The following CTNNA2 variants were observed in gnomAD, a reference collection of about 807,000 sequenced individuals.
The protein encoded by CTNNA2 is catenin alpha-2.
Under a neutral mutation model 101.0 loss-of-function variants are expected in CTNNA2, and 42 were observed. That is an observed-to-expected ratio of 0.42 (90% confidence interval 0.32 to 0.54). The LOEUF (loss-of-function observed/expected upper bound fraction) is 0.54. Ranked by LOEUF, CTNNA2 falls within the 20% of genes least tolerant of loss-of-function variation. CTNNA2 has a pLI of 0.14. For missense variants in CTNNA2, 871 were observed against 1,223.1 expected, an observed-to-expected ratio of 0.71 and a Z score of 4.29; for synonymous variants, 450 against 456.4, an observed-to-expected ratio of 0.99 and a Z score of 0.18.
chr2:80,113,077 A>T (rs2148864381), intron 7 of CTNNA2, among the ~76,000 whole-genome samples: 1 of 152,250 alleles, frequency 6.6e-6, no homozygotes, highest in African/African-American at 2.4e-5. Flanking sequence ...GAGATCTGGG[A>T]GCCTCTTCAG....
At position 79,885,864 on chromosome 2, in the gene CTNNA2, G is replaced by C. The variant is rs984091442; in HGVS notation, c.852+11522G>C. Among the ~76,000 whole-genome samples, 2 of 152,290 alleles carry C rather than the reference G, an allele frequency of 1.3e-5. 1 individual carries two copies. The highest frequency in any genetic ancestry group is 3.9e-4 in the East Asian group (2 of 5,182). ...GTCCAGGACTTGGATTCAGGTATTG[G>C]CTACTACTCCAAGCTCTACAAATAA... On this transcript the variant is annotated intron_variant, in intron 6 of 18. Coordinates refer to ENST00000402739, the MANE Select transcript of CTNNA2 (RefSeq NM_001282597.3).
intron 3 of CTNNA2, among the ~76,000 whole-genome samples, chr2:79,759,010 A>C (rs1031533444): frequency 1.3e-5 from 2 of 152,200 alleles, no homozygotes; most frequent in Non-Finnish European, 2.9e-5. Flanking sequence ...AGATCTTACA[A>C]TAAATTATGG....
At chr2:79,878,786 C>G (rs1683209326) in intron 6 of CTNNA2, among the ~76,000 whole-genome samples, 1 of 152,122 alleles carries the variant, frequency 6.6e-6, no homozygotes, top group Non-Finnish European at 1.5e-5. Context: ...CCTGTTCACT[C>G]TGATGATTCT....
chr2:80,423,004 T>C (rs1391207034), intron 9 of CTNNA2, among the ~76,000 whole-genome samples: 1 of 152,166 alleles, frequency 6.6e-6, no homozygotes, highest in South Asian at 2.1e-4. Context: ...CATAATACAT[T>C]TGTATTTTTT....
chr2:80,399,940 A>G (rs144161673), intron 8 of CTNNA2, among the ~76,000 whole-genome samples: 6 of 152,292 alleles, frequency 3.9e-5, no homozygotes, highest in East Asian at 3.9e-4. Context: ...CATTCATTTT[A>G]CTACACCCAT....
chr2:79,736,121 G>C (rs1670858589), intron 2 of CTNNA2, among the ~76,000 whole-genome samples: 1 of 152,136 alleles, frequency 6.6e-6, no homozygotes. Context: ...GCTGAAATAA[G>C]TCTGTATTGT....
At chr2:80,026,955 C>T (rs1694967695) in intron 7 of CTNNA2, among the ~76,000 whole-genome samples, 1 of 152,160 alleles carries the variant, frequency 6.6e-6, no homozygotes, top group Non-Finnish European at 1.5e-5. Context: ...TAGATTTCAT[C>T]CCTACTCAGT....
intron 7 of CTNNA2, among the ~76,000 whole-genome samples, chr2:80,221,107 G>C (rs536393784): frequency 2.0e-5 from 3 of 152,070 alleles, no homozygotes; most frequent in Admixed American, 6.5e-5. Flanking sequence ...GGTCTCCAAC[G>C]CCTGACCTCA....
At chr2:80,462,631 C>CTTTTTTTTTTTTTT (rs753815778) in intron 9 of CTNNA2, among the ~76,000 whole-genome samples, 13 of 94,770 alleles carry the variant, frequency 1.4e-4, no homozygotes, top group African/African-American at 3.2e-4. Context: ...TTCTTTCTTT[C>CTTTTTTTTTTTTTT]TTTTTTTTTT....
chr2:79,961,070 C>A (rs976036242), intron 7 of CTNNA2, among the ~76,000 whole-genome samples: 1 of 152,116 alleles, frequency 6.6e-6, no homozygotes, highest in Non-Finnish European at 1.5e-5. Flanking sequence ...GATATAAGAT[C>A]TTTGATTTCT....
At chr2:80,159,172 T>G (rs1192787720) in intron 7 of CTNNA2, among the ~76,000 whole-genome samples, 1 of 152,160 alleles carries the variant, frequency 6.6e-6, no homozygotes. Context: ...AATTTGCATG[T>G]TTAGTTTTTA....
chr2:79,988,800 G>A (rs928316437), intron 7 of CTNNA2, among the ~76,000 whole-genome samples: 1 of 152,178 alleles, frequency 6.6e-6, no homozygotes, highest in Non-Finnish European at 1.5e-5. Context: ...AAAGTGATAT[G>A]TACAAGAAGG....
chr2:79,383,395 A>G (rs1678061423), intron 4 of CTNNA2, among the ~76,000 whole-genome samples: 1 of 152,222 alleles, frequency 6.6e-6, no homozygotes, highest in African/African-American at 2.4e-5. Context: ...GATAGAATTT[A>G]AATGGATAGA....
intron 7 of CTNNA2, among the ~76,000 whole-genome samples, chr2:80,004,415 C>A (rs1480596399): frequency 1.3e-5 from 2 of 152,088 alleles, no homozygotes; most frequent in African/African-American, 2.4e-5. Flanking sequence ...GAAGAGAAGC[C>A]ATGAACAAGT....
chr2:79,951,761 A>G (rs529552473), intron 7 of CTNNA2, among the ~76,000 whole-genome samples: 1 of 152,308 alleles, frequency 6.6e-6, no homozygotes, highest in African/African-American at 2.4e-5. Flanking sequence ...CATTCAAACT[A>G]TCCTACCCAC....
At chr2:79,424,705 C>T (rs7597222) in intron 4 of CTNNA2, among the ~76,000 whole-genome samples, 3,849 of 152,090 alleles carry the variant, frequency 0.025, 143 homozygotes, top group African/African-American at 0.087. Flanking sequence ...GCTCTAGGGA[C>T]GATATCTAAC....
At chr2:79,238,679 T>C (rs1674586996) in intron 2 of CTNNA2, among the ~76,000 whole-genome samples, 1 of 152,224 alleles carries the variant, frequency 6.6e-6, no homozygotes, top group Non-Finnish European at 1.5e-5. Flanking sequence ...TTGAAATAGA[T>C]AAGCATAAGA....
intron 2 of CTNNA2, among the ~76,000 whole-genome samples, chr2:79,238,078 C>T (rs560086366): frequency 1.3e-5 from 2 of 152,324 alleles, no homozygotes; most frequent in East Asian, 3.9e-4. Flanking sequence ...ACCTTGCATT[C>T]CTCACTATGC....
intron 7 of CTNNA2, among the ~76,000 whole-genome samples, chr2:80,120,373 A>C (rs1314474052): frequency 6.6e-6 from 1 of 152,030 alleles, no homozygotes; most frequent in East Asian, 1.9e-4. Flanking sequence ...GCCATGGAAA[A>C]CTCCTTCGGG....
Sources: gnomAD v4.1 joint callset for allele counts (sites outside exome capture counted in the v4.1 genomes callset) on GRCh38, gnomAD v4.1.1 for gene constraint, MANE v1.5 for transcripts, NCBI Gene and HGNC (gene_info 2026-07-23, HGNC 2026-07-21) for gene names.